The following TMEM255B variants were observed in gnomAD, a reference collection of about 807,000 sequenced individuals.
The protein encoded by TMEM255B is family with sequence similarity 70, member B.
Under a neutral mutation model 34.5 loss-of-function variants are expected in TMEM255B, and 35 were observed. That is an observed-to-expected ratio of 1.01 (90% CI 0.77 to 1.34). TMEM255B has a LOEUF of 1.34. Ranked by LOEUF, TMEM255B falls within the 40% of genes most tolerant of loss-of-function variation. The pLI is 0.00. For missense variants in TMEM255B, 432 were observed against 433.2 expected (o/e 1.00, Z 0.02); for synonymous variants, 206 against 201.2 (o/e 1.02, Z -0.20).
chr13:113,805,103 CG>C, intron 8 of TMEM255B, 75 bp downstream of exon 8: 1 of 1,418,544 alleles, frequency 7.0e-7, no homozygotes, highest in Non-Finnish European at 9.3e-7. Context: ...GGGCTGGGGT[CG>C]GAGGGGATGA....
chr13:113,789,467 T>C (rs2050793076), intron 3 of TMEM255B, among the ~76,000 whole-genome samples: 1 of 152,206 alleles, frequency 6.6e-6, no homozygotes, highest in Admixed American at 6.5e-5. Context: ...GAGTTAACAA[T>C]GCCTGGAGAA....
chr13:113,808,581 C>T (rs554477251), intron 8 of TMEM255B, among the ~76,000 whole-genome samples: 49 of 143,456 alleles, frequency 3.4e-4, no homozygotes, highest in Middle Eastern at 4.7e-3. Context: ...GTGTTTACTC[C>T]GTGGTTCCTG....
At position 113,801,743 on chromosome 13, in the gene TMEM255B, A is replaced by C. The variant is rs1594161765; in HGVS notation, c.600A>C (p.Ala200=). Residue 200 remains alanine, a synonymous_variant, in exon 7 of 9, where the codon GCA becomes GCC. Transcript: ENST00000375353. ...LHLYRLLWAS[A]VLNVLGLFLG... is the part of the protein sequence containing the mutation. The stretch of plus-strand genomic sequence containing the variant: ...TGTACCGCCTGCTCTGGGCCTCTGC[A>C]GTTCTGAACGTCCTGGGCCTGTTCC... 1.2e-6 allele frequency: 2 copies of C among 1,613,094 alleles called. No homozygotes were observed. The highest frequency in any genetic ancestry group is 1.7e-5 in the Admixed American group (1 of 59,966).
intron 8 of TMEM255B, among the ~76,000 whole-genome samples, chr13:113,807,372 G>A (rs1399840695): frequency 2.0e-5 from 3 of 147,140 alleles, no homozygotes; most frequent in Non-Finnish European, 3.0e-5. Flanking sequence ...GAGGGCTTAC[G>A]GGATGTGGGG....
intron 3 of TMEM255B, among the ~76,000 whole-genome samples, chr13:113,791,224 A>T (rs2050827356): frequency 6.6e-6 from 1 of 152,172 alleles, no homozygotes; most frequent in South Asian, 2.1e-4. Flanking sequence ...TGGAAGGTGA[A>T]CATCTAGGGC....
At position 113,773,885 on chromosome 13, in the gene TMEM255B, A is replaced by G. The variant is rs1288191277; in HGVS notation, c.252+4725A>G. On this transcript the variant is annotated intron_variant, in intron 3 of 8. Coordinates refer to ENST00000375353, the MANE Select transcript of TMEM255B (RefSeq NM_182614.4). ...ATTGTTATACACTGGTTTTAAGTGC[A>G]TAGATGTCAGAACATTCAAGTTATT... Among the ~76,000 whole-genome samples the G allele has an allele frequency of 2.0e-5, 3 of 152,340 alleles. No individual in the cohort carries two copies. In the East Asian group the frequency reaches 5.8e-4, roughly 29 times the overall value.
rs1444502004 is a variant in TMEM255B at position 113,806,314 on chromosome 13, G to T, written c.813+1286G>T. Among the ~76,000 whole-genome samples the T allele has an allele frequency of 6.6e-6, 1 of 152,088 alleles. No individual in the cohort carries two copies. The highest frequency in any genetic ancestry group is 2.4e-5 in the African/African-American group (1 of 41,406). ...TCCCTGGGGTCCAGGGGCCTGTGGG[G>T]CTGCTGGGGGTCCCTCGCGTTCAGG... On this transcript the variant is annotated intron_variant, in intron 8 of 8. Transcript: ENST00000375353. The surrounding 1 kb of genome is among the most constrained non-coding windows in gnomAD (Gnocchi z 4.2).
Position 113,813,473 on chromosome 13 carries a change from G to A in TMEM255B, c.*1570G>A, listed in dbSNP as rs2051366809. On this transcript the variant is annotated 3_prime_UTR_variant, in exon 9 of 9. Coordinates refer to ENST00000375353, the MANE Select transcript of TMEM255B (RefSeq NM_182614.4). ...CCCCTGCCCAGTCCTGGATCTGGGA[G>A]AAAAAAGATAAGGTGGAGGGGAGCC... is the stretch of plus-strand genomic sequence containing the variant. 1 of 152,354 alleles carries A rather than the reference G, an allele frequency of 6.6e-6. No individual in the cohort carries two copies. Among genetic ancestry groups the A allele is most frequent in the South Asian group, 2.1e-4 (1 of 4,836 alleles). The allele number at this position is 152,354 out of a possible 1,614,324, so 9.4% of individuals were successfully genotyped here.
chr13:113,794,952 G>T (rs1279360594), intron 3 of TMEM255B, among the ~76,000 whole-genome samples, 196 bp from the exon 4 acceptor site: 1 of 152,272 alleles, frequency 6.6e-6, no homozygotes, highest in Non-Finnish European at 1.5e-5. Context: ...GGGTCTTGCG[G>T]AATAGACGCG....
At chr13:113,808,976 G>C (rs907558642) in intron 8 of TMEM255B, among the ~76,000 whole-genome samples, 2 of 148,264 alleles carry the variant, frequency 1.3e-5, no homozygotes, top group Non-Finnish European at 3.0e-5. Flanking sequence ...TGGTTCCTGG[G>C]GAGATTACTC....
At chr13:113,799,000 G>T (rs977530467) in intron 4 of TMEM255B, among the ~76,000 whole-genome samples, 2 of 152,180 alleles carry the variant, frequency 1.3e-5, no homozygotes, top group African/African-American at 4.8e-5. Flanking sequence ...AACGATGCAG[G>T]AGCCTAACAC....
chr13:113,782,924 T>G (rs1018890668), intron 3 of TMEM255B, among the ~76,000 whole-genome samples: 3 of 152,192 alleles, frequency 2.0e-5, no homozygotes, highest in Admixed American at 1.3e-4. Context: ...GGTGAGCATC[T>G]GGTATTTATA....
intron 3 of TMEM255B, among the ~76,000 whole-genome samples, chr13:113,788,574 TATG>T (rs763371542): frequency 2.1e-4 from 32 of 152,168 alleles, no homozygotes; most frequent in Middle Eastern, 3.4e-3. Flanking sequence ...GTGCTGGATT[TATG>T]GCGTACACAG....
chr13:113,764,267 C>T (rs2140800383), intron 1 of TMEM255B, among the ~76,000 whole-genome samples: 1 of 152,312 alleles, frequency 6.6e-6, no homozygotes, highest in South Asian at 2.1e-4. Context: ...TGTGCCCGCC[C>T]CTGCACCCAC....
At chr13:113,801,916 G>A (rs1056506851) in intron 7 of TMEM255B, 104 bp downstream of exon 7, 15 of 1,288,110 alleles carry the variant, frequency 1.2e-5, no homozygotes, top group African/African-American at 6.0e-5. Flanking sequence ...TTTACAGATG[G>A]GGCACTGAAG....
intron 8 of TMEM255B, among the ~76,000 whole-genome samples, chr13:113,807,161 C>G (rs1158504724): frequency 1.3e-5 from 2 of 152,206 alleles, no homozygotes; most frequent in Admixed American, 1.3e-4. Context: ...GACTTGGGAC[C>G]TTGGAGACAG....
At chr13:113,782,039 A>G (rs2050672657) in intron 3 of TMEM255B, among the ~76,000 whole-genome samples, 1 of 152,212 alleles carries the variant, frequency 6.6e-6, no homozygotes, top group African/African-American at 2.4e-5. Context: ...AAGTCAAAGA[A>G]CCAGTTTATG....
At chr13:113,796,914 C>T (rs990356745) in intron 4 of TMEM255B, among the ~76,000 whole-genome samples, 3 of 152,322 alleles carry the variant, frequency 2.0e-5, no homozygotes, top group Admixed American at 6.5e-5. Flanking sequence ...CACGTGCGTG[C>T]GCACGCATGC....
chr13:113,801,313 G>A (rs1220032261), intron 6 of TMEM255B, among the ~76,000 whole-genome samples: 2 of 152,188 alleles, frequency 1.3e-5, no homozygotes, highest in Non-Finnish European at 1.5e-5. Flanking sequence ...TTGGGACAGG[G>A]GCCCGTGACC....
Sources: gnomAD v4.1 joint callset for allele counts (sites outside exome capture counted in the v4.1 genomes callset) on GRCh38, gnomAD v4.1.1 for gene constraint, Gnocchi (gnomAD v3.1) non-coding constraint, MANE v1.5 for transcripts, NCBI Gene and HGNC (gene_info 2026-07-23, HGNC 2026-07-21) for gene names.